IL31RA: variants seen among roughly 807,000 people sequenced by gnomAD.
The protein encoded by IL31RA is interleukin-31 receptor subunit alpha.
A neutral mutation model predicts 83.7 loss-of-function variants in IL31RA; 66 were observed. That is an observed-to-expected ratio of 0.79 (90% CI 0.65 to 0.97). The LOEUF (loss-of-function observed/expected upper bound fraction) is 0.97, where lower values mean the gene tolerates loss of function less well. Among genes scored for constraint, IL31RA ranks in the 50% least tolerant of loss-of-function variants. The pLI is 0.00. For synonymous variants in IL31RA, 325 were observed against 329.0 expected, an observed-to-expected ratio of 0.99 and a Z score of 0.13; for missense variants, 798 against 919.4, an observed-to-expected ratio of 0.87 and a Z score of 1.71.
Position 55,910,621 on chromosome 5 carries a change from A to G in IL31RA, c.1591A>G (p.Ser531Gly). The change falls in exon 12 of 15, where the codon AGT (serine) becomes GGT (glycine). Residue 531 changes from serine (S) to glycine (G), a missense_variant. By Grantham distance (56) the Ser-to-Gly change is moderately conservative. Coordinates refer to ENST00000652347, the MANE Select transcript of IL31RA (RefSeq NM_139017.7). ...CATTGTTCAGGTCATGGCCAGCACC[A>G]GTGCTGGGGGAACCAACGGGACCAG... is the stretch of plus-strand genomic sequence containing the variant. ...SYIVQVMAST[S>G]AGGTNGTSIN... 1.2e-6 allele frequency: 2 copies of G among 1,613,564 alleles called. No homozygotes were observed. Among genetic ancestry groups the G allele is most frequent in the Non-Finnish European group, 1.7e-6 (2 of 1,179,408 alleles).
intron 4 of IL31RA, among the ~76,000 whole-genome samples, chr5:55,880,466 AAAAAATTAAAAATTTT>A (rs1392787523): frequency 1.3e-5 from 2 of 152,116 alleles, no homozygotes; most frequent in Non-Finnish European, 2.9e-5. Context: ...CTATGTACTC[AAAAAATTAAAAATTTT>A]AAAAATTAAA....
chr5:55,882,978 G>T, intron 4 of IL31RA, 66 bp from the exon 5 acceptor site: 8 of 1,471,276 alleles, frequency 5.4e-6, no homozygotes, highest in Non-Finnish European at 7.6e-6. Context: ...TTCAATTTTG[G>T]GTGGATGCTA....
At chr5:55,889,300 A>G (rs1226929216) in intron 5 of IL31RA, among the ~76,000 whole-genome samples, 1 of 152,250 alleles carries the variant, frequency 6.6e-6, no homozygotes, top group African/African-American at 2.4e-5. Flanking sequence ...GCTGACATCT[A>G]GAGAAAATAA....
At chr5:55,883,513 T>G (rs1747393590) in intron 5 of IL31RA, among the ~76,000 whole-genome samples, 1 of 152,224 alleles carries the variant, frequency 6.6e-6, no homozygotes. Context: ...ATTTTATTTT[T>G]TATTTTTCTG....
rs1400875710 is a variant in IL31RA at position 55,890,042 on chromosome 5, A to G, written c.679A>G (p.Thr227Ala). 1.2e-6 allele frequency: 2 copies of G among 1,614,042 alleles called. No homozygotes were observed. Among genetic ancestry groups the G allele is most frequent in the South Asian group, 1.1e-5 (1 of 91,074 alleles). Residue 227 changes from threonine (T) to alanine (A), a missense_variant, in exon 6 of 15, where the codon ACA (threonine) becomes GCA (alanine). Physicochemically the swap from Thr to Ala is moderately conservative, Grantham distance 58. Transcript: ENST00000652347. ...CAACCTCACGGGGCTGCAGCCTTTT[A>G]CAGAATATGTCATAGCTCTGCGATG... ...TYNLTGLQPF[T>A]EYVIALRCAV...
the IL31RA span, among the ~76,000 whole-genome samples, chr5:55,844,817 T>G: frequency 6.6e-6 from 1 of 152,202 alleles, no homozygotes; most frequent in African/African-American, 2.4e-5. Context: ...TTTTTTTCTC[T>G]TTGCTTTTCC....
In IL31RA at chr5:55,908,420, G is replaced by T; in HGVS notation, c.1501+9G>T. The stretch of plus-strand genomic sequence containing the variant: ...AGGTGGAAAAGGATTCTGTAAGCAC[G>T]CCCATAGCGAAGTGGAAAAAAACCC... On this transcript the variant is annotated intron_variant, in intron 11 of 14. Transcript: ENST00000652347. 3.1e-6 allele frequency: 5 copies of T among 1,614,172 alleles called. No homozygotes were observed. Among genetic ancestry groups the T allele is most frequent in the Non-Finnish European group, 4.2e-6 (5 of 1,180,046 alleles).
At chr5:55,841,215 T>G in the IL31RA span, among the ~76,000 whole-genome samples, 1 of 152,222 alleles carries the variant, frequency 6.6e-6, no homozygotes, top group African/African-American at 2.4e-5. Flanking sequence ...AAAATAAAAC[T>G]TGTTTGCTTT....
the IL31RA span, among the ~76,000 whole-genome samples, chr5:55,844,077 G>A: frequency 6.6e-6 from 1 of 152,014 alleles, no homozygotes; most frequent in South Asian, 2.1e-4. Context: ...TATATTGTGT[G>A]ATGTTGGGGA....
At chr5:55,874,892 T>C (rs1387226190) in intron 4 of IL31RA, among the ~76,000 whole-genome samples, 2 of 152,124 alleles carry the variant, frequency 1.3e-5, no homozygotes, top group Non-Finnish European at 2.9e-5. Context: ...GTCTAGAACT[T>C]TTAGTATAGT....
chr5:55,867,213 ATGTGTGTTTGTGTGTGTGTTTG>A (rs1746182732), intron 2 of IL31RA, among the ~76,000 whole-genome samples: 1 of 64,624 alleles, frequency 1.5e-5, no homozygotes, highest in Non-Finnish European at 3.3e-5. Flanking sequence ...GTGTGTGCGC[ATGTGTGTTTGTGTGTGTGTTTG>A]TGTGTGTGTT....
chr5:55,897,857 T>C (rs1748515997), intron 7 of IL31RA, among the ~76,000 whole-genome samples: 1 of 152,154 alleles, frequency 6.6e-6, no homozygotes, highest in South Asian at 2.1e-4. Context: ...TCCCAGGAAA[T>C]GCTCATGATG....
chr5:55,849,950 A>G (rs559915039), upstream of IL31RA, among the ~76,000 whole-genome samples: 3 of 152,350 alleles, frequency 2.0e-5, no homozygotes, highest in Admixed American at 1.3e-4. Flanking sequence ...ATGCAGTTTC[A>G]AGAACGTTGT....
At chr5:55,898,856 T>C (rs1003209303) in intron 7 of IL31RA, among the ~76,000 whole-genome samples, 2 of 152,126 alleles carry the variant, frequency 1.3e-5, no homozygotes, top group East Asian at 3.9e-4. Context: ...AAACCCTGTC[T>C]CTACTAAAAA....
chr5:55,902,814 C>CCTATGTTAT (rs1748911097), intron 8 of IL31RA, among the ~76,000 whole-genome samples: 1 of 152,124 alleles, frequency 6.6e-6, no homozygotes, highest in Non-Finnish European at 1.5e-5. Context: ...GCTAAGATAA[C>CCTATGTTAT]ATAGGTTTTC....
chr5:55,868,660 AC>A, intron 2 of IL31RA, 130 bp from the exon 3 acceptor site: 1 of 752,666 alleles, frequency 1.3e-6, no homozygotes, highest in South Asian at 1.4e-5. Flanking sequence ...TTGCTAGGTT[AC>A]ACCTAGCAAC....
intron 2 of IL31RA, among the ~76,000 whole-genome samples, chr5:55,867,191 GTGT>G (rs1407152745): frequency 8.4e-6 from 1 of 119,592 alleles, no homozygotes; most frequent in Non-Finnish European, 1.7e-5. Context: ...ATGTGTGTTT[GTGT>G]GTGTTTGTGT....
At position 55,917,437 on chromosome 5, in the gene IL31RA, C is replaced by A; in HGVS notation, c.*317C>A. 1 of 784,228 alleles carries A rather than the reference C, an allele frequency of 1.3e-6. No individual in the cohort carries two copies. The highest frequency in any genetic ancestry group is 1.7e-6 in the Non-Finnish European group (1 of 575,516). 48.6% of individuals were successfully genotyped at this position (784,228 alleles called of 1,614,324 possible). A position where few individuals can be genotyped will look rare whatever the true frequency, so the allele number is the denominator to read the frequency against. On this transcript the variant is annotated 3_prime_UTR_variant, in exon 15 of 15. Transcript: ENST00000652347. ...GCCCAGGTTCTGAGCCCAAAGGACC[C>A]CCAGGGTGGACATATCTGGCCTCCC...
intron 12 of IL31RA, 99 bp downstream of exon 12, chr5:55,910,771 G>T (rs1440550868): frequency 1.5e-6 from 2 of 1,334,802 alleles, no homozygotes; most frequent in Admixed American, 3.4e-5. Context: ...CCAAATGAAA[G>T]GGCAGTGCCT....
Sources: gnomAD v4.1 joint callset for allele counts (sites outside exome capture counted in the v4.1 genomes callset) on GRCh38, gnomAD v4.1.1 for gene constraint, MANE v1.5 for transcripts, NCBI Gene and HGNC (gene_info 2026-07-23, HGNC 2026-07-21) for gene names.